The following CELF2 variants were observed in gnomAD, a reference collection of about 807,000 sequenced individuals.
CELF2 encodes the protein CUGBP Elav-like family member 2.
Under a neutral mutation model 62.6 loss-of-function variants are expected in CELF2, and 8 were observed. The ratio of observed to expected loss-of-function variants is 0.13; its 90% CI spans 0.07 to 0.23. The LOEUF is 0.23. Ranked by LOEUF, CELF2 falls within the 10% of genes least tolerant of loss-of-function variation. The probability of loss-of-function intolerance (pLI) is 1.00; values close to 1 mark genes in which losing one functional copy is unlikely to be tolerated. For missense variants in CELF2, 333 were observed against 671.0 expected, an observed-to-expected ratio of 0.50 and a Z score of 5.56; for synonymous variants, 258 against 250.0, an observed-to-expected ratio of 1.03 and a Z score of -0.30.
rs1307204881 is a variant in CELF2, at chr10:11,110,350, T to A, written c.75-55136T>A. Among the ~76,000 whole-genome samples the A allele has an allele frequency of 3.3e-5, 5 of 152,234 alleles. No homozygotes were observed. On this transcript the variant is annotated intron_variant, in intron 1 of 12. Transcript: ENST00000633077. The surrounding 1 kb of genome is among the most constrained non-coding windows in gnomAD (Gnocchi z 4.0). Reference sequence around the variant, plus strand: ...TGTATTACTAGAGTGTGATTTTCTGTGTGAGTATTCATCCCCGTCATTGAG... The same window carrying A: ...TGTATTACTAGAGTGTGATTTTCTGAGTGAGTATTCATCCCCGTCATTGAG...
chr10:10,774,871 TTTTA>T, the CELF2 span, among the ~76,000 whole-genome samples: 3 of 140,068 alleles, frequency 2.1e-5, no homozygotes, highest in Non-Finnish European at 4.6e-5. Context: ...TTACTTTTAT[TTTTA>T]TTTATTTATT....
At chr10:10,873,059 T>C (rs1018627155) in intron 1 of CELF2, among the ~76,000 whole-genome samples, 1 of 152,142 alleles carries the variant, frequency 6.6e-6, no homozygotes, top group South Asian at 2.1e-4. Context: ...TGTACACACA[T>C]CCTTTTATCG....
the CELF2 span, among the ~76,000 whole-genome samples, chr10:10,613,687 A>G: frequency 2.0e-5 from 3 of 152,214 alleles, no homozygotes; most frequent in Admixed American, 1.3e-4. Flanking sequence ...TAGGGCTGCC[A>G]TGGCTTGTAT....
intron 1 of CELF2, among the ~76,000 whole-genome samples, chr10:10,814,905 G>A (rs2056304282): frequency 6.6e-6 from 1 of 152,200 alleles, no homozygotes; most frequent in African/African-American, 2.4e-5. Context: ...AGAGCACCTA[G>A]GGCATGAAGA....
At chr10:10,967,365 G>A (rs941911010) in intron 2 of CELF2, among the ~76,000 whole-genome samples, 3 of 152,212 alleles carry the variant, frequency 2.0e-5, no homozygotes, top group Non-Finnish European at 2.9e-5. Flanking sequence ...AATATATAAG[G>A]AGGCCGCTTT....
At chr10:10,598,087 C>T in the CELF2 span, among the ~76,000 whole-genome samples, 1 of 152,122 alleles carries the variant, frequency 6.6e-6, no homozygotes, top group South Asian at 2.1e-4. Context: ...ATAATACTTT[C>T]TCCTATATTT....
intron 2 of CELF2, among the ~76,000 whole-genome samples, chr10:10,923,380 G>T (rs2065104120): frequency 6.6e-6 from 1 of 152,188 alleles, no homozygotes; most frequent in Non-Finnish European, 1.5e-5. Flanking sequence ...TACACGGGTT[G>T]CATAAGGGTG....
At chr10:10,948,660 A>G (rs186681913) in intron 2 of CELF2, among the ~76,000 whole-genome samples, 4 of 152,294 alleles carry the variant, frequency 2.6e-5, no homozygotes, top group East Asian at 3.9e-4. Flanking sequence ...GCCTCTTTGC[A>G]TGAAGCTCCA....
At chr10:11,283,022 C>T (rs1384472700) in intron 8 of CELF2, among the ~76,000 whole-genome samples, 1 of 152,214 alleles carries the variant, frequency 6.6e-6, no homozygotes, top group Non-Finnish European at 1.5e-5. Context: ...TTAGCCTCAG[C>T]CTCCTGAGTA....
chr10:10,838,043 T>TTCCATCC (rs1325710223), intron 1 of CELF2, among the ~76,000 whole-genome samples: 1 of 152,230 alleles, frequency 6.6e-6, no homozygotes, highest in African/African-American at 2.4e-5. Flanking sequence ...CTGTTCCCGA[T>TTCCATCC]TCCATCCAGG....
intron 1 of CELF2, among the ~76,000 whole-genome samples, chr10:11,073,938 C>G (rs1448443111): frequency 6.6e-6 from 1 of 152,130 alleles, no homozygotes; most frequent in Non-Finnish European, 1.5e-5. Flanking sequence ...TGAGAATATT[C>G]TTGTAATGGC....
chr10:11,199,131 A>T (rs1030691868), intron 2 of CELF2, among the ~76,000 whole-genome samples: 2 of 152,198 alleles, frequency 1.3e-5, no homozygotes, highest in Non-Finnish European at 2.9e-5. Flanking sequence ...AGAGATTGTC[A>T]AGGAAGAAAT....
intron 1 of CELF2, among the ~76,000 whole-genome samples, chr10:10,839,286 C>T (rs1391652024): frequency 2.0e-5 from 3 of 152,072 alleles, no homozygotes; most frequent in African/African-American, 4.8e-5. Flanking sequence ...TACATATATC[C>T]CTAAATATCT....
chr10:10,895,992 G>T (rs2062525045), intron 1 of CELF2, among the ~76,000 whole-genome samples: 1 of 152,170 alleles, frequency 6.6e-6, no homozygotes, highest in African/African-American at 2.4e-5. Flanking sequence ...GAAGACTAAG[G>T]TGGCTAGAAT....
chr10:10,785,418 C>T, the CELF2 span, among the ~76,000 whole-genome samples: 1 of 152,172 alleles, frequency 6.6e-6, no homozygotes, highest in Non-Finnish European at 1.5e-5. Context: ...GAGATATCTG[C>T]TCTCCCATGT....
At chr10:10,798,008 CTAT>C (rs2054263225), upstream of CELF2, among the ~76,000 whole-genome samples, 1 of 151,998 alleles carries the variant, frequency 6.6e-6, no homozygotes, top group Non-Finnish European at 1.5e-5. Flanking sequence ...AGGGGGTAGC[CTAT>C]ACCCTTTTCT....
chr10:10,828,742 A>C (rs1269286065), intron 1 of CELF2, among the ~76,000 whole-genome samples: 1 of 152,244 alleles, frequency 6.6e-6, no homozygotes, highest in Non-Finnish European at 1.5e-5. Flanking sequence ...TCCAAACAGT[A>C]TGTTAGACCA....
chr10:11,208,199 T>A (rs1169293021), intron 2 of CELF2, among the ~76,000 whole-genome samples: 1 of 151,916 alleles, frequency 6.6e-6, no homozygotes, highest in African/African-American at 2.4e-5. Flanking sequence ...TGTGGGGAGT[T>A]AGGCTGGTAG....
At chr10:10,663,602 G>C in the CELF2 span, among the ~76,000 whole-genome samples, 1 of 152,206 alleles carries the variant, frequency 6.6e-6, no homozygotes, top group Admixed American at 6.5e-5. Flanking sequence ...TCAGAAGAGA[G>C]AGTAAAATTG....
Sources: gnomAD v4.1 joint callset for allele counts (sites outside exome capture counted in the v4.1 genomes callset) on GRCh38, gnomAD v4.1.1 for gene constraint, Gnocchi (gnomAD v3.1) non-coding constraint, MANE v1.5 for transcripts, NCBI Gene and HGNC (gene_info 2026-07-23, HGNC 2026-07-21) for gene names.